MAGI1: variants seen among roughly 807,000 people sequenced by gnomAD.
The protein encoded by MAGI1 is membrane associated guanylate kinase, WW and PDZ domain containing 1.
A neutral mutation model predicts 139.9 loss-of-function variants in MAGI1; 58 were observed. The ratio of observed to expected loss-of-function variants is 0.41; its 90% CI spans 0.34 to 0.52. The LOEUF (loss-of-function observed/expected upper bound fraction) is 0.52, where lower values mean the gene tolerates loss of function less well. Ranked by LOEUF, MAGI1 falls within the 20% of genes least tolerant of loss-of-function variation. MAGI1 has a pLI of 0.12. For missense variants in MAGI1, 1,874 were observed against 1,901.6 expected (o/e 0.99, Z 0.27); for synonymous variants, 812 against 737.9 (o/e 1.10, Z -1.63).
chr3:65,878,266 C>T (rs1378772280), intron 1 of MAGI1, among the ~76,000 whole-genome samples: 1 of 152,108 alleles, frequency 6.6e-6, no homozygotes, highest in Non-Finnish European at 1.5e-5. Context: ...CCTGTAATCC[C>T]ATCACTTTGG....
At chr3:65,396,940 C>A (rs1301722052) in intron 13 of MAGI1, among the ~76,000 whole-genome samples, 2 of 152,256 alleles carry the variant, frequency 1.3e-5, no homozygotes, top group South Asian at 2.1e-4. Flanking sequence ...CAGGCACTGA[C>A]TGGATATGAA....
intron 1 of MAGI1, among the ~76,000 whole-genome samples, chr3:65,721,724 T>TCCAAA (rs2033052237): frequency 6.6e-6 from 1 of 152,170 alleles, no homozygotes; most frequent in East Asian, 1.9e-4. Flanking sequence ...TCCTCTTATT[T>TCCAAA]ATGCTACTCC....
At chr3:65,940,221 G>T (rs992205966) in intron 1 of MAGI1, among the ~76,000 whole-genome samples, 1 of 152,132 alleles carries the variant, frequency 6.6e-6, no homozygotes, top group Non-Finnish European at 1.5e-5. Context: ...GCAATACTAG[G>T]AATGGCTGCT....
chr3:65,680,795 T>TATGATATGATATGATATGATAGATATG (rs58365928), intron 1 of MAGI1, among the ~76,000 whole-genome samples: 12 of 151,274 alleles, frequency 7.9e-5, no homozygotes, highest in African/African-American at 2.7e-4. Context: ...TATGATATGA[T>TATGATATGATATGATATGATAGATATG]ATACTTTAAT....
chr3:65,835,580 G>A (rs1333862862), intron 1 of MAGI1, among the ~76,000 whole-genome samples: 2 of 150,842 alleles, frequency 1.3e-5, no homozygotes, highest in Non-Finnish European at 3.0e-5. Context: ...AAGGCCATTC[G>A]TGATAAGCCA....
intron 2 of MAGI1, among the ~76,000 whole-genome samples, chr3:65,563,749 T>C (rs1363142479): frequency 6.6e-6 from 1 of 152,152 alleles, no homozygotes; most frequent in Non-Finnish European, 1.5e-5. Context: ...TTCTCTTCAG[T>C]AAAATTGGTT....
chr3:65,365,700 G>T (rs758803629), intron 18 of MAGI1, among the ~76,000 whole-genome samples: 2 of 152,084 alleles, frequency 1.3e-5, no homozygotes, highest in African/African-American at 2.4e-5. Context: ...GTGGTGTTAG[G>T]TTCCATTATA....
intron 1 of MAGI1, among the ~76,000 whole-genome samples, chr3:65,841,266 T>A (rs186306192): frequency 2.6e-5 from 4 of 152,200 alleles, no homozygotes; most frequent in Non-Finnish European, 5.9e-5. Context: ...TGTTTTCTGT[T>A]TTTAATTTCA....
rs72910919 is a variant in MAGI1 at position 65,992,041 on chromosome 3, A to G, written c.313+45955T>C. 2.7e-3 allele frequency among the ~76,000 whole-genome samples: 418 copies of G among 152,294 alleles called. 3 individuals are homozygous for G. The highest frequency in any genetic ancestry group is 9.6e-3 in the African/African-American group (399 of 41,576). On this transcript the variant is annotated intron_variant, in intron 1 of 22. Coordinates refer to ENST00000402939, the MANE Select transcript of MAGI1 (RefSeq NM_001033057.2). ...AAAATAAATAAATAAAAATAAAAAT[A>G]CATAAATCCGAATGCCATGAGAAAC...
At position 65,440,838 on chromosome 3, in the gene MAGI1, CATATAT is replaced by C. The variant is rs1330506622; in HGVS notation, c.1137-832_1137-827del. 1.5e-4 allele frequency among the ~76,000 whole-genome samples: 11 copies of C among 71,576 alleles called. 1 individual carries two copies. In the South Asian group the frequency reaches 2.3e-3, roughly 15 times the overall value. 47.0% of individuals were successfully genotyped at this position (71,576 alleles called of 152,430 possible). On this transcript the variant is annotated intron_variant, in intron 8 of 22. Transcript: ENST00000402939. ...GTATATGTGTACATGTATACATATA[CATATAT>C]ACATATGTATACATATATATGTATA...
intron 9 of MAGI1, 86 bp downstream of exon 9, chr3:65,439,793 C>T: frequency 6.3e-7 from 1 of 1,592,958 alleles, no homozygotes; most frequent in Non-Finnish European, 8.5e-7. Context: ...TCATCGAGGC[C>T]AGTTCTGACC....
intron 5 of MAGI1, among the ~76,000 whole-genome samples, chr3:65,468,654 G>C (rs1312641866): frequency 6.6e-6 from 1 of 152,102 alleles, no homozygotes; most frequent in African/African-American, 2.4e-5. Flanking sequence ...TGAGATTACA[G>C]GCGTGAGCCA....
intron 1 of MAGI1, among the ~76,000 whole-genome samples, chr3:65,813,387 G>A (rs893048625): frequency 9.9e-5 from 15 of 151,982 alleles, no homozygotes; most frequent in Admixed American, 2.0e-4. Flanking sequence ...CAATTTGGGG[G>A]AAAAGGAAGA....
intron 2 of MAGI1, among the ~76,000 whole-genome samples, chr3:65,558,110 C>T (rs2080172512): frequency 6.6e-6 from 1 of 152,192 alleles, no homozygotes; most frequent in Non-Finnish European, 1.5e-5. Context: ...TAGGCTTTCT[C>T]ACCCTTGAAG....
At chr3:65,527,017 G>A (rs2078416511) in intron 2 of MAGI1, among the ~76,000 whole-genome samples, 2 of 152,180 alleles carry the variant, frequency 1.3e-5, no homozygotes, top group Non-Finnish European at 2.9e-5. Context: ...AAAAACTCTA[G>A]AATGGTTATG....
intron 1 of MAGI1, among the ~76,000 whole-genome samples, chr3:65,738,705 A>G (rs990431521): frequency 6.6e-6 from 1 of 152,226 alleles, no homozygotes; most frequent in Non-Finnish European, 1.5e-5. Flanking sequence ...GTACATCTCC[A>G]TCAGAGCTCT....
chr3:65,855,421 A>T lies in MAGI1; in HGVS notation c.313+182575T>A, dbSNP rs904633444. On this transcript the variant is annotated intron_variant, in intron 1 of 22. Coordinates refer to ENST00000402939, the MANE Select transcript of MAGI1 (RefSeq NM_001033057.2). ...TAAGACCCCCATCTCTACAAATAAA[A>T]TAAAGTAACTTTAAAAATAAAATAA... Among the ~76,000 whole-genome samples the T allele has an allele frequency of 4.0e-5, 6 of 150,792 alleles. No homozygotes were observed. In the Admixed American group the frequency reaches 4.0e-4, roughly 10 times the overall value.
intron 16 of MAGI1, among the ~76,000 whole-genome samples, chr3:65,381,050 C>T (rs1943011519): frequency 6.6e-6 from 1 of 152,032 alleles, no homozygotes; most frequent in Non-Finnish European, 1.5e-5. Context: ...TGATAGAAGA[C>T]AATCACCTCT....
intron 1 of MAGI1, among the ~76,000 whole-genome samples, chr3:65,811,836 T>C (rs1235783097): frequency 6.6e-6 from 1 of 152,068 alleles, no homozygotes; most frequent in Non-Finnish European, 1.5e-5. Context: ...CCCCTTGTTC[T>C]TTTACTTAAG....
Sources: allele counts gnomAD v4.1 joint callset (sites outside exome capture counted in the v4.1 genomes callset), GRCh38; gene constraint gnomAD v4.1.1; transcripts MANE v1.5; gene names NCBI Gene and HGNC (gene_info 2026-07-23, HGNC 2026-07-21).